Variants in DNAH3 observed in about 807,000 individuals in gnomAD.
The protein encoded by DNAH3 is dynein axonemal heavy chain 3.
In DNAH3, 332 loss-of-function variants were observed where a neutral mutation model predicts 432.5. That is an observed-to-expected ratio of 0.77 (90% CI 0.70 to 0.84). DNAH3 has a LOEUF of 0.84. Ranked by LOEUF, DNAH3 falls within the 40% of genes least tolerant of loss-of-function variation. DNAH3 has a pLI of 0.00. For synonymous variants in DNAH3, 1,956 were observed against 1,900.2 expected (o/e 1.03, Z -0.76); for missense variants, 4,861 against 5,114.0 (o/e 0.95, Z 1.51).
chr16:20,997,059 T>G, intron 44 of DNAH3: 1 of 485,040 alleles, frequency 2.1e-6, no homozygotes, highest in Admixed American at 3.3e-5. Flanking sequence ...ACTCTCTGTT[T>G]CTCTAGGGCC....
rs142079903 is a variant in DNAH3, at chr16:21,134,324, C to T, written c.1017G>A (p.Trp339Ter). The change falls in exon 7 of 62, where the codon TGG becomes TGA. Residue 339 changes from tryptophan to a stop codon, truncating the protein, a stop_gained. Transcript: ENST00000261383. LOFTEE classifies it high-confidence loss of function. ...TCACCGTGTGCAGATGCTCCTCGTT[C>T]CACTTCTTGGCGCTCCTGTAGACAC... is the stretch of plus-strand genomic sequence containing the variant. 138 of 1,614,002 alleles carry T rather than the reference C, an allele frequency of 8.6e-5. No individual in the cohort carries two copies. Among genetic ancestry groups the T allele is most frequent in the Non-Finnish European group, 1.1e-4 (127 of 1,180,008 alleles).
At chr16:20,994,199 G>A (rs2086669956) in intron 44 of DNAH3, among the ~76,000 whole-genome samples, 2 of 152,130 alleles carry the variant, frequency 1.3e-5, no homozygotes, top group South Asian at 2.1e-4. Context: ...GGAGGCCGAG[G>A]TGGGTGGATC....
intron 17 of DNAH3, 82 bp from the exon 18 acceptor site, chr16:21,097,581 C>A: frequency 2.0e-6 from 3 of 1,523,894 alleles, no homozygotes; most frequent in Non-Finnish European, 2.7e-6. Context: ...TTCCTCAGTG[C>A]CTTGAAAACC....
At chr16:21,155,710 C>T (rs965855710) in intron 1 of DNAH3, among the ~76,000 whole-genome samples, 2 of 151,802 alleles carry the variant, frequency 1.3e-5, no homozygotes, top group African/African-American at 4.8e-5. Flanking sequence ...AAAAGTTACC[C>T]ATTATTTACC....
chr16:21,071,637 C>T (rs2090786100), intron 21 of DNAH3, among the ~76,000 whole-genome samples: 1 of 152,024 alleles, frequency 6.6e-6, no homozygotes, highest in African/African-American at 2.4e-5. Flanking sequence ...CCCATAATCC[C>T]AGCACTTTGG....
At chr16:20,978,018 AAATC>A (rs1447594189) in intron 50 of DNAH3, among the ~76,000 whole-genome samples, 4 of 152,228 alleles carry the variant, frequency 2.6e-5, no homozygotes, top group Admixed American at 6.5e-5. Context: ...CAAGCTCTGT[AAATC>A]AATCAATGTT....
At chr16:21,003,520 C>T (rs1018644075) in intron 41 of DNAH3, among the ~76,000 whole-genome samples, 2 of 152,188 alleles carry the variant, frequency 1.3e-5, no homozygotes, top group Admixed American at 6.5e-5. Context: ...CGCCTGTAAT[C>T]ACTGGACTTT....
chr16:21,155,645 G>C (rs1055818886), intron 1 of DNAH3, among the ~76,000 whole-genome samples: 2 of 114,110 alleles, frequency 1.8e-5, no homozygotes, highest in African/African-American at 6.8e-5. Context: ...AAAAAAAAAA[G>C]TTTTAGTATA....
In DNAH3 at chr16:20,969,914, G is replaced by A. The variant is rs149344400; in HGVS notation, c.8336C>T (p.Pro2779Leu). 38 of 1,614,012 alleles carry A rather than the reference G, an allele frequency of 2.4e-5. 1 individual carries two copies. The highest frequency in any genetic ancestry group is 1.2e-4 in the African/African-American group (9 of 74,914). ...CGACTTCACCAGCGAGATGTCGGCC[G>A]GGTTCAGGGTGTCCAGAGCAGCTAG... Residue 2779 changes from proline (P) to leucine (L), a missense_variant, in exon 52 of 62, where the codon CCG (proline) becomes CTG (leucine). Pro to Leu is a moderately conservative substitution (Grantham distance 98). Coordinates refer to ENST00000261383, the Ensembl canonical transcript of DNAH3.
exon 23 of DNAH3, chr16:21,069,440 T>C (rs770079045): frequency 1.2e-6 from 2 of 1,614,118 alleles, no homozygotes; most frequent in Non-Finnish European, 8.5e-7. Context: ...TGATTTCCAG[T>C]AACTATCAAC....
Position 21,011,100 on chromosome 16 carries a change from G to T in DNAH3, c.6023-7893C>A, listed in dbSNP as rs573337368. 3.9e-5 allele frequency among the ~76,000 whole-genome samples: 6 copies of T among 152,134 alleles called. No individual in the cohort carries two copies. In the East Asian group the frequency reaches 9.7e-4, roughly 25 times the overall value. ...TATAAGGGAAAATTATCTAGAAACT[G>T]AGTGGGAGCTGTGCACATCACATCA... is the stretch of plus-strand genomic sequence containing the variant. On this transcript the variant is annotated intron_variant, in intron 41 of 61. Coordinates refer to ENST00000261383, the Ensembl canonical transcript of DNAH3.
chr16:20,989,581 C>T (rs890088136), intron 44 of DNAH3, among the ~76,000 whole-genome samples: 1 of 152,282 alleles, frequency 6.6e-6, no homozygotes, highest in Non-Finnish European at 1.5e-5. Context: ...CTGGCTTCAC[C>T]TAGTGGATCC....
intron 41 of DNAH3, among the ~76,000 whole-genome samples, chr16:21,003,557 G>A (rs1286158251): frequency 1.3e-5 from 2 of 152,268 alleles, no homozygotes; most frequent in Non-Finnish European, 2.9e-5. Flanking sequence ...TGGATCACCT[G>A]AAGTCAGGGG....
chr16:21,063,958 C>A (rs1385464038), intron 24 of DNAH3, among the ~76,000 whole-genome samples: 1 of 152,230 alleles, frequency 6.6e-6, no homozygotes, highest in Non-Finnish European at 1.5e-5. Context: ...CTGTGACCAT[C>A]AGGCTGAAAG....
intron 54 of DNAH3, 101 bp from the exon 55 acceptor site, chr16:20,955,158 TGGGTAACATGGTAA>T: frequency 8.4e-7 from 1 of 1,191,870 alleles, no homozygotes; most frequent in South Asian, 1.9e-5. Context: ...CAGACCAGCC[TGGGTAACATGGTAA>T]AACCCCATCT....
chr16:20,995,276 C>T (rs958782906), intron 44 of DNAH3, among the ~76,000 whole-genome samples: 1 of 152,080 alleles, frequency 6.6e-6, no homozygotes, highest in African/African-American at 2.4e-5. Context: ...GAGTCTCACG[C>T]AGGCTGGAGT....
At chr16:21,124,383 A>G (rs1330371818) in intron 9 of DNAH3, among the ~76,000 whole-genome samples, 2 of 152,184 alleles carry the variant, frequency 1.3e-5, no homozygotes, top group Non-Finnish European at 2.9e-5. Context: ...TTTTCTTAAC[A>G]ACTTCTCTAC....
At chr16:21,077,440 G>C (rs540267853) in intron 20 of DNAH3, among the ~76,000 whole-genome samples, 2 of 152,322 alleles carry the variant, frequency 1.3e-5, no homozygotes, top group African/African-American at 2.4e-5. Flanking sequence ...TGGAATTACA[G>C]GCGTGAGCCA....
chr16:20,963,293 G>A, exon 53 of DNAH3: 1 of 1,613,360 alleles, frequency 6.2e-7, no homozygotes, highest in Non-Finnish European at 8.5e-7. Context: ...CCTGCCATTG[G>A]GTCTGCACTT....
Sources: allele counts gnomAD v4.1 joint callset (sites outside exome capture counted in the v4.1 genomes callset), GRCh38; gene constraint gnomAD v4.1.1; transcripts MANE v1.5; gene names NCBI Gene and HGNC (gene_info 2026-07-23, HGNC 2026-07-21).